The following ABLIM1 variants were observed in gnomAD, a reference collection of about 807,000 sequenced individuals.
ABLIM1 encodes actin-binding LIM protein 1.
A neutral mutation model predicts 107.0 loss-of-function variants in ABLIM1; 40 were observed. The observed-to-expected ratio is 0.37, with a 90% CI of 0.29 to 0.49. The LOEUF (loss-of-function observed/expected upper bound fraction) is 0.49, where lower values mean the gene tolerates loss of function less well. ABLIM1 is among the 20% of genes least tolerant of loss of function. The pLI, the probability that ABLIM1 is intolerant of heterozygous loss-of-function variation, is 0.97. For synonymous variants in ABLIM1, 357 were observed against 357.3 expected, an observed-to-expected ratio of 1.00 and a Z score of 0.01; for missense variants, 857 against 1,008.5, an observed-to-expected ratio of 0.85 and a Z score of 2.04.
At chr10:114,465,882 G>A (rs2065046120) in intron 11 of ABLIM1, 55 bp from the exon 12 acceptor site, 12 of 1,579,258 alleles carry the variant, frequency 7.6e-6, no homozygotes, top group Admixed American at 1.7e-5. Flanking sequence ...TAGGAACCAC[G>A]CTTCACAAAC....
chr10:114,634,366 TC>T (rs1391699755), intron 1 of ABLIM1, among the ~76,000 whole-genome samples: 1 of 151,466 alleles, frequency 6.6e-6, no homozygotes, highest in Admixed American at 6.6e-5. Flanking sequence ...TCTCCTGACC[TC>T]GTGATCCGCC....
At chr10:114,602,086 G>A in intron 1 of ABLIM1, 125 bp from the exon 2 acceptor site, 1 of 1,246,694 alleles carries the variant, frequency 8.0e-7, no homozygotes, top group Non-Finnish European at 1.1e-6. Flanking sequence ...TGTGAACAGA[G>A]CAGTCCCTCC....
At chr10:114,548,825 C>A (rs1158035098) in intron 4 of ABLIM1, among the ~76,000 whole-genome samples, 2 of 152,200 alleles carry the variant, frequency 1.3e-5, no homozygotes, top group Admixed American at 1.3e-4. Flanking sequence ...ACAGAACACA[C>A]ACAGAATAAA....
chr10:114,524,216 T>C lies in ABLIM1; in HGVS notation c.894+20789A>G, dbSNP rs540093040. 1.6e-4 allele frequency among the ~76,000 whole-genome samples: 24 copies of C among 152,320 alleles called. No individual in the cohort carries two copies. In the South Asian group the frequency reaches 2.3e-3, roughly 14 times the overall value. ...CTGGAAGTCACGGTGCTCAGTGCAA[T>C]GTACTATATTCTTGGAGAAACACCA... On this transcript the variant is annotated intron_variant, in intron 6 of 22. Coordinates refer to ENST00000533213, the MANE Select transcript of ABLIM1 (RefSeq NM_002313.7).
chr10:114,445,387 G>A lies in ABLIM1; in HGVS notation c.1752C>T (p.Arg584=). The A allele has an allele frequency of 6.2e-7, 1 of 1,613,474 alleles. No individual in the cohort carries two copies. ...SFAVVGPDMK[R]RSSGREEDDE... The stretch of plus-strand genomic sequence containing the variant: ...CATCTTCCTCTCTGCCACTAGATCT[G>A]CGTTTCATGTCAGGTCCTAATTCCA... The change falls in exon 16 of 23, where the codon CGC becomes CGT. Residue 584 remains arginine (R), a synonymous_variant. Coordinates refer to ENST00000533213, the MANE Select transcript of ABLIM1 (RefSeq NM_002313.7).
rs190091760 is a variant in ABLIM1 at position 114,454,063 on chromosome 10, T to C, written c.1442-580A>G. On this transcript the variant is annotated intron_variant, in intron 12 of 22. Transcript: ENST00000533213. Reference sequence around the variant, plus strand: ...TTTCCTCACTTTGAAATATATAAAATAGAGTCAGACGCGTGTCAGCCAGGT... The same window carrying C: ...TTTCCTCACTTTGAAATATATAAAACAGAGTCAGACGCGTGTCAGCCAGGT... Among the ~76,000 whole-genome samples the C allele has an allele frequency of 7.9e-5, 12 of 152,302 alleles. No homozygotes were observed. In the East Asian group the frequency reaches 1.7e-3, roughly 22 times the overall value.
intron 1 of ABLIM1, among the ~76,000 whole-genome samples, chr10:114,620,477 T>G (rs1458240312): frequency 6.6e-6 from 1 of 152,114 alleles, no homozygotes; most frequent in African/African-American, 2.4e-5. Context: ...TGGCGTGATC[T>G]TGGCTCACTG....
At chr10:114,565,161 T>C (rs1014876300) in intron 4 of ABLIM1, among the ~76,000 whole-genome samples, 6 of 152,176 alleles carry the variant, frequency 3.9e-5, no homozygotes, top group African/African-American at 7.2e-5. Context: ...TTGCATCCTA[T>C]AGGGAGAATG....
intron 4 of ABLIM1, 100 bp from the exon 5 acceptor site, chr10:114,547,876 A>G (rs2067557777): frequency 1.4e-6 from 2 of 1,431,582 alleles, no homozygotes. Flanking sequence ...CACACACTCA[A>G]TCAATATTTA....
At position 114,707,132 on chromosome 10, in the gene ABLIM1, C is replaced by A. The variant is rs73371890; in HGVS notation, c.-213+60929G>T. Among the ~76,000 whole-genome samples, 3,959 of 152,188 alleles carry A rather than the reference C, an allele frequency of 0.026. 157 individuals are homozygous for A. The highest frequency in any genetic ancestry group is 0.09 in the African/African-American group (3,731 of 41,498). ...TAACCTAATATATCAAAAATACTGT[C>A]ATTTCAAACGTGGTCAATGACCACA... On this transcript the variant is annotated intron_variant, in intron 1 of 15. Transcript: ENST00000651092. This position sits in a 1 kb window ranked among gnomAD's most constrained non-coding sequence, Gnocchi z 4.1.
intron 1 of ABLIM1, among the ~76,000 whole-genome samples, chr10:114,766,507 G>T (rs1270511881): frequency 6.6e-6 from 1 of 152,048 alleles, no homozygotes; most frequent in East Asian, 1.9e-4. Context: ...AGATAAACCC[G>T]AGACCCTGGA....
the ABLIM1 span, among the ~76,000 whole-genome samples, chr10:114,787,615 CCGGGAGG>C: frequency 2.1e-5 from 3 of 142,792 alleles, no homozygotes; most frequent in African/African-American, 5.2e-5. Context: ...GCCGCCCCGT[CCGGGAGG>C]TGAGGGGTGC....
At position 114,536,440 on chromosome 10, in the gene ABLIM1, G is replaced by T. The variant is rs574600447; in HGVS notation, c.894+8565C>A. Among the ~76,000 whole-genome samples the T allele has an allele frequency of 3.1e-4, 47 of 151,418 alleles. 1 individual carries two copies. In the East Asian group the frequency reaches 8.9e-3, roughly 29 times the overall value. On this transcript the variant is annotated intron_variant, in intron 6 of 22. Coordinates refer to ENST00000533213, the MANE Select transcript of ABLIM1 (RefSeq NM_002313.7). The stretch of plus-strand genomic sequence containing the variant: ...TTTTTGTATTTTTAGTAGAGACGGG[G>T]TTTCACCATCCTGGCCAGGCTGGTC...
chr10:114,448,629 T>TTATTATTATTATTATTATTATTATTAC (rs1229678087), intron 14 of ABLIM1, among the ~76,000 whole-genome samples: 2 of 151,878 alleles, frequency 1.3e-5, no homozygotes, highest in African/African-American at 4.8e-5. Flanking sequence ...ATTATTATTA[T>TTATTATTATTATTATTATTATTATTAC]TTGAGACAGA....
In ABLIM1 at chr10:114,759,771, A is replaced by G. The variant is rs371723634; in HGVS notation, c.-213+8290T>C. Among the ~76,000 whole-genome samples, 9 of 152,184 alleles carry G rather than the reference A, an allele frequency of 5.9e-5. No individual in the cohort carries two copies. In the East Asian group the frequency reaches 1.3e-3, roughly 23 times the overall value. The stretch of plus-strand genomic sequence containing the variant: ...AGGCCAAGGAATACACCGACACCAT[A>G]AGGCATGCTGGCTAGAAACACTACC... On this transcript the variant is annotated intron_variant, in intron 1 of 15. Transcript: ENST00000651092.
the ABLIM1 span, among the ~76,000 whole-genome samples, chr10:114,786,951 C>T: frequency 6.6e-6 from 1 of 150,420 alleles, no homozygotes; most frequent in Non-Finnish European, 1.5e-5. Context: ...TCTGCCTGGC[C>T]GCCCATCGTC....
chr10:114,648,988 T>G (rs2079123094), intron 1 of ABLIM1, among the ~76,000 whole-genome samples: 1 of 152,102 alleles, frequency 6.6e-6, no homozygotes, highest in Non-Finnish European at 1.5e-5. Flanking sequence ...TCTCATGTAA[T>G]ATCAAACAGG....
the ABLIM1 span, among the ~76,000 whole-genome samples, chr10:114,790,233 T>C: frequency 6.6e-6 from 1 of 151,586 alleles, no homozygotes; most frequent in South Asian, 2.1e-4. Flanking sequence ...TCTTTTAATA[T>C]TGTTTAAGAT....
chr10:114,687,374 A>G (rs1159121366), upstream of ABLIM1, among the ~76,000 whole-genome samples: 1 of 152,216 alleles, frequency 6.6e-6, no homozygotes, highest in Non-Finnish European at 1.5e-5. Context: ...CACAGTTTCA[A>G]AGATAAGAAG....
Sources: gnomAD v4.1 joint callset for allele counts (sites outside exome capture counted in the v4.1 genomes callset) on GRCh38, gnomAD v4.1.1 for gene constraint, Gnocchi (gnomAD v3.1) non-coding constraint, MANE v1.5 for transcripts, NCBI Gene and HGNC (gene_info 2026-07-23, HGNC 2026-07-21) for gene names.